The following YIPF4 variants were observed in gnomAD, a reference collection of about 807,000 sequenced individuals.
YIPF4 encodes the protein protein YIPF4.
In YIPF4, 18 loss-of-function variants were observed where a neutral mutation model predicts 29.4. The ratio of observed to expected loss-of-function variants is 0.61; its 90% CI spans 0.42 to 0.91. The LOEUF (loss-of-function observed/expected upper bound fraction) is 0.91. YIPF4 is among the 40% of genes least tolerant of loss of function. The probability of loss-of-function intolerance (pLI) is 0.00; values close to 1 mark genes in which losing one functional copy is unlikely to be tolerated. For synonymous variants in YIPF4, 115 were observed against 104.7 expected, an observed-to-expected ratio of 1.10 and a Z score of -0.60; for missense variants, 279 against 282.7, an observed-to-expected ratio of 0.99 and a Z score of 0.09.
At chr2:32,302,905 A>T (rs2031453975) in intron 5 of YIPF4, among the ~76,000 whole-genome samples, 1 of 152,170 alleles carries the variant, frequency 6.6e-6, no homozygotes, top group Admixed American at 6.5e-5. Context: ...AAGCATTGGG[A>T]ATCGAAAATG....
At position 32,301,426 on chromosome 2, in the gene YIPF4, T is replaced by C. The variant is rs2031400939; in HGVS notation, c.528T>C (p.Leu176=). Residue 176 remains leucine, a synonymous_variant, in exon 5 of 6, where the codon CTT becomes CTC. Coordinates refer to ENST00000238831, the MANE Select transcript of YIPF4 (RefSeq NM_032312.4). ...QVLGVIGYSL[L]PLIVIAPVLL... is the part of the protein sequence containing the mutation. ...TTGGAGTTATAGGATATTCATTACT[T>C]CCTCTCATTGTAATAGCCCCTGTAC... 6.2e-7 allele frequency: 1 copy of C among 1,613,856 alleles called. No individual in the cohort carries two copies. The highest frequency in any genetic ancestry group is 2.2e-5 in the East Asian group (1 of 44,816).
intron 5 of YIPF4, among the ~76,000 whole-genome samples, chr2:32,303,296 G>T (rs1490713564): frequency 1.3e-5 from 2 of 152,206 alleles, no homozygotes; most frequent in Non-Finnish European, 2.9e-5. Flanking sequence ...TGAGGCCGTG[G>T]CTGTAGTGAG....
chr2:32,281,287 G>T (rs1258408243), intron 1 of YIPF4, among the ~76,000 whole-genome samples: 3 of 151,056 alleles, frequency 2.0e-5, no homozygotes, highest in African/African-American at 7.3e-5. Flanking sequence ...CCTTGCCTAG[G>T]GTGGAGTGCA....
intron 1 of YIPF4, among the ~76,000 whole-genome samples, chr2:32,287,078 C>G: frequency 6.6e-6 from 1 of 152,140 alleles, no homozygotes; most frequent in East Asian, 1.9e-4. Flanking sequence ...AACCCCATCT[C>G]TACTAAAAAT....
At chr2:32,301,730 G>C (rs1022148965) in intron 5 of YIPF4, among the ~76,000 whole-genome samples, 6 of 152,116 alleles carry the variant, frequency 3.9e-5, no homozygotes, top group African/African-American at 1.2e-4. Flanking sequence ...CAGGTTTCAG[G>C]ATATTATAGT....
rs970455222 is a variant in YIPF4, at chr2:32,309,837, C to T, written c.*4211C>T. 2.0e-5 allele frequency: 3 copies of T among 151,792 alleles called. No individual in the cohort carries two copies. The highest frequency in any genetic ancestry group is 4.8e-5 in the African/African-American group (2 of 41,298). 9.4% of individuals were successfully genotyped at this position (151,792 alleles called of 1,614,324 possible). Reference sequence around the variant, plus strand: ...CCTAATAGCTAGGATTACCGGTGCCCGCCACCACGCCCAGCTAATTTTTTA... The same window carrying T: ...CCTAATAGCTAGGATTACCGGTGCCTGCCACCACGCCCAGCTAATTTTTTA... On this transcript the variant is annotated 3_prime_UTR_variant, in exon 6 of 6. Coordinates refer to ENST00000238831, the MANE Select transcript of YIPF4 (RefSeq NM_032312.4).
At chr2:32,288,660 A>G (rs367858038) in intron 1 of YIPF4, among the ~76,000 whole-genome samples, 38 of 152,284 alleles carry the variant, frequency 2.5e-4, no homozygotes, top group African/African-American at 8.9e-4. Context: ...AAATACAAAA[A>G]TTAGCCAGGC....
chr2:32,299,407 G>A (rs1391525615), intron 4 of YIPF4, among the ~76,000 whole-genome samples: 2 of 152,186 alleles, frequency 1.3e-5, no homozygotes, highest in African/African-American at 2.4e-5. Flanking sequence ...AATCTGTTAA[G>A]ATATATTGTT....
Position 32,291,284 on chromosome 2 carries a change from C to T in YIPF4, c.233+648C>T, listed in dbSNP as rs565795040. On this transcript the variant is annotated intron_variant, in intron 2 of 5. Coordinates refer to ENST00000238831, the MANE Select transcript of YIPF4 (RefSeq NM_032312.4). ...GCATAGTGGCCCACGCCAGTAATCC[C>T]GGCACTTTGGGAGGCCGAGGTGGGC... Among the ~76,000 whole-genome samples, 92 of 152,320 alleles carry T rather than the reference C, an allele frequency of 6.0e-4. No individual in the cohort carries two copies. In the South Asian group the frequency reaches 0.016, roughly 26 times the overall value.
chr2:32,294,592 C>T (rs927032695), intron 3 of YIPF4, among the ~76,000 whole-genome samples: 1 of 142,026 alleles, frequency 7.0e-6, no homozygotes, highest in African/African-American at 2.7e-5. Context: ...ACTGGGCAGC[C>T]AGGCAGAGGG....
At chr2:32,289,048 G>C (rs1467478217) in intron 1 of YIPF4, among the ~76,000 whole-genome samples, 1 of 152,170 alleles carries the variant, frequency 6.6e-6, no homozygotes, top group Non-Finnish European at 1.5e-5. Flanking sequence ...CTTAGACAAA[G>C]AAGTAGCAAG....
chr2:32,278,579 A>G (rs998788042), intron 1 of YIPF4, among the ~76,000 whole-genome samples: 1 of 152,056 alleles, frequency 6.6e-6, no homozygotes, highest in African/African-American at 2.4e-5. Flanking sequence ...AAAAGGACAG[A>G]TTGGCCAAGG....
chr2:32,297,603 A>G (rs747896073), intron 3 of YIPF4, among the ~76,000 whole-genome samples: 33 of 152,206 alleles, frequency 2.2e-4, no homozygotes, highest in Non-Finnish European at 4.7e-4. Flanking sequence ...CCTGGTCTCT[A>G]TTAAATAAAT....
intron 5 of YIPF4, among the ~76,000 whole-genome samples, chr2:32,303,189 C>T (rs911404858): frequency 2.6e-5 from 4 of 152,132 alleles, no homozygotes; most frequent in South Asian, 2.1e-4. Flanking sequence ...GGCAACGTGG[C>T]GAAACTCCAT....
rs1038628407 is a variant in YIPF4, at chr2:32,298,778, T to C, written c.483+467T>C. On this transcript the variant is annotated intron_variant, in intron 4 of 5. Transcript: ENST00000238831. ...TTCACCATGTTGGCCAGGCTGGTCT[T>C]GAACTCCCAACCTCAAGCGATCTGC... 6.1e-4 allele frequency among the ~76,000 whole-genome samples: 93 copies of C among 151,932 alleles called. 1 individual carries two copies. The highest frequency in any genetic ancestry group is 1.0e-4 in the Non-Finnish European group (7 of 67,984).
rs188688433 is a variant in YIPF4, at chr2:32,291,535, C to G, written c.234-642C>G. 1.5e-3 allele frequency among the ~76,000 whole-genome samples: 222 copies of G among 152,276 alleles called. 2 individuals are homozygous for G. The highest frequency in any genetic ancestry group is 5.1e-3 in the African/African-American group (211 of 41,562). On this transcript the variant is annotated intron_variant, in intron 2 of 5. Transcript: ENST00000238831. ...CTCCAGCCTGGGTGAAAAAGCAAGA[C>G]TCTTGTCTCAAAAACAAAGAAACAA...
chr2:32,292,001 G>C (rs1307246715), intron 2 of YIPF4, among the ~76,000 whole-genome samples, 176 bp from the exon 3 acceptor site: 1 of 152,144 alleles, frequency 6.6e-6, no homozygotes, highest in Non-Finnish European at 1.5e-5. Context: ...TAGAGATATT[G>C]GAATGTTAAA....
chr2:32,295,003 C>G (rs762699974), intron 3 of YIPF4, among the ~76,000 whole-genome samples: 70 of 150,168 alleles, frequency 4.7e-4, no homozygotes, highest in Non-Finnish European at 8.0e-4. Context: ...TTGCAGTGAG[C>G]CGAGATGGCA....
rs182936540 is a variant in YIPF4 at position 32,301,420 on chromosome 2, A to G, written c.522A>G (p.Ser174=). The change falls in exon 5 of 6, where the codon TCA becomes TCG. Residue 174 remains serine, a synonymous_variant. Transcript: ENST00000238831. ...YGQVLGVIGY[S]LLPLIVIAPV... Reference sequence around the variant, plus strand: ...AAGTCCTTGGAGTTATAGGATATTCATTACTTCCTCTCATTGTAATAGCCC... The same window carrying G: ...AAGTCCTTGGAGTTATAGGATATTCGTTACTTCCTCTCATTGTAATAGCCC... 32 of 1,613,806 alleles carry G rather than the reference A, an allele frequency of 2.0e-5. No homozygotes were observed. In the East Asian group the frequency reaches 2.2e-4, roughly 11 times the overall value.
Sources: gnomAD v4.1 joint callset for allele counts (sites outside exome capture counted in the v4.1 genomes callset) on GRCh38, gnomAD v4.1.1 for gene constraint, MANE v1.5 for transcripts, NCBI Gene and HGNC (gene_info 2026-07-23, HGNC 2026-07-21) for gene names.